Variants in ARHGEF9 observed in about 807,000 individuals in gnomAD.
The protein encoded by ARHGEF9 is rho guanine nucleotide exchange factor 9.
In ARHGEF9, 2 loss-of-function variants were observed where a neutral mutation model predicts 41.3. That is an observed-to-expected ratio of 0.05 (90% CI 0.02 to 0.15). ARHGEF9 has a LOEUF of 0.15. Ranked by LOEUF, ARHGEF9 falls within the 10% of genes least tolerant of loss-of-function variation. The pLI is 1.00. For synonymous variants in ARHGEF9, 160 were observed against 154.4 expected, an observed-to-expected ratio of 1.04 and a Z score of -0.27; for missense variants, 225 against 424.7, an observed-to-expected ratio of 0.53 and a Z score of 4.13.
chrX:63,635,502 T>C lies in ARHGEF9; in HGVS notation c.*2526A>G. On this transcript the variant is annotated 3_prime_UTR_variant, in exon 10 of 10. Coordinates refer to ENST00000671741, the MANE Select transcript of ARHGEF9 (RefSeq NM_001353921.2). ...GGTTAGGATACTGAACCCAGGTATT[T>C]AATTGGGCTCCCCTTGGGGCTGTTG... 2 of 496,730 alleles carry C rather than the reference T, an allele frequency of 4.0e-6. No individual in the cohort carries two copies. The highest frequency in any genetic ancestry group is 3.3e-4 in the Middle Eastern group (1 of 3,074). The allele number at this position is 496,730 out of a possible 1,213,427, so 40.9% of individuals were successfully genotyped here.
At chrX:63,669,021 CTT>C (rs1159728820) in intron 6 of ARHGEF9, among the ~76,000 whole-genome samples, 1 of 112,387 alleles carries the variant, frequency 8.9e-6, no homozygotes, top group African/African-American at 3.2e-5. Context: ...CCAACTCACT[CTT>C]GAGTTAGAAA....
chrX:63,643,892 C>A (rs1193274724), intron 9 of ARHGEF9, 88 bp downstream of exon 9: 2 of 1,019,438 alleles, frequency 2.0e-6, no homozygotes, highest in Non-Finnish European at 2.7e-6. Context: ...CCCAAGTAAA[C>A]CTCAGCACAG....
intron 2 of ARHGEF9, among the ~76,000 whole-genome samples, chrX:63,712,420 G>A (rs2147545079): frequency 8.9e-6 from 1 of 111,762 alleles, no homozygotes; most frequent in African/African-American, 3.2e-5. Flanking sequence ...GCATAGTTAT[G>A]TAATAGAATA....
Position 63,635,247 on chromosome X carries a change from T to C in ARHGEF9, c.*2781A>G, listed in dbSNP as rs1328755921. ...AGAATTGTTAGAACTCTCTTGTTGC[T>C]GTTCTTATAGATCCATTAGAAATAT... is the stretch of plus-strand genomic sequence containing the variant. On this transcript the variant is annotated 3_prime_UTR_variant, in exon 10 of 10. Coordinates refer to ENST00000671741, the MANE Select transcript of ARHGEF9 (RefSeq NM_001353921.2). The C allele has an allele frequency of 2.2e-6, 1 of 465,078 alleles. No individual in the cohort carries two copies. Among genetic ancestry groups the C allele is most frequent in the Admixed American group, 3.5e-5 (1 of 28,618 alleles). 38.3% of individuals were successfully genotyped at this position (465,078 alleles called of 1,213,427 possible).
At chrX:63,708,261 T>G (rs1469886433) in intron 2 of ARHGEF9, among the ~76,000 whole-genome samples, 1 of 112,337 alleles carries the variant, frequency 8.9e-6, no homozygotes, top group Non-Finnish European at 1.9e-5. Context: ...CAAAGCAAGC[T>G]AAACTCTGCT....
chrX:63,655,282 G>T (rs1195294264), intron 8 of ARHGEF9, among the ~76,000 whole-genome samples: 1 of 111,995 alleles, frequency 8.9e-6, no homozygotes, highest in Non-Finnish European at 1.9e-5. Flanking sequence ...TTCTTAGCTA[G>T]TAGGGGAGGA....
intron 2 of ARHGEF9, among the ~76,000 whole-genome samples, chrX:63,720,795 C>T (rs1556413263): frequency 8.9e-6 from 1 of 112,476 alleles, no homozygotes; most frequent in Non-Finnish European, 1.9e-5. Flanking sequence ...TTTTGTTTGA[C>T]TCTCACTGTG....
At chrX:63,738,003 T>G in intron 1 of ARHGEF9, among the ~76,000 whole-genome samples, 1 of 111,971 alleles carries the variant, frequency 8.9e-6, no homozygotes, top group Non-Finnish European at 1.9e-5. Context: ...TGATCCCTAG[T>G]TTAAAGATAA....
At position 63,682,634 on chromosome X, in the gene ARHGEF9, T is replaced by C. The variant is rs781840218; in HGVS notation, c.583-4062A>G. Among the ~76,000 whole-genome samples, 3 of 112,223 alleles carry C rather than the reference T, an allele frequency of 2.7e-5. No individual in the cohort carries two copies. In the East Asian group the frequency reaches 8.4e-4, roughly 31 times the overall value. Reference sequence around the variant, plus strand: ...AACATATCAAAAAGATCATACATCATGACCAAGTGGGATTTATCCCTGGGA... The same window carrying C: ...AACATATCAAAAAGATCATACATCACGACCAAGTGGGATTTATCCCTGGGA... On this transcript the variant is annotated intron_variant, in intron 4 of 9. Transcript: ENST00000671741.
At chrX:63,681,714 G>GA (rs1267272778) in intron 4 of ARHGEF9, among the ~76,000 whole-genome samples, 2 of 109,929 alleles carry the variant, frequency 1.8e-5, no homozygotes, top group African/African-American at 6.6e-5. Flanking sequence ...ATAGCAGAAG[G>GA]AAAAAAATAA....
chrX:63,656,374 C>G (rs1556336143), intron 7 of ARHGEF9: 1 of 112,627 alleles, frequency 8.9e-6, no homozygotes, highest in East Asian at 2.8e-4. Context: ...TGGATACAAA[C>G]AGTATGTCGC....
chrX:63,758,244 C>T (rs2055969870), intron 1 of ARHGEF9, among the ~76,000 whole-genome samples: 1 of 109,752 alleles, frequency 9.1e-6, no homozygotes, highest in Non-Finnish European at 1.9e-5. Flanking sequence ...GCAGCATGCT[C>T]CTAGAGCCCC....
intron 1 of ARHGEF9, among the ~76,000 whole-genome samples, chrX:63,777,185 G>A (rs1461490768): frequency 1.8e-5 from 2 of 111,426 alleles, no homozygotes; most frequent in Non-Finnish European, 3.8e-5. Flanking sequence ...TTACAATCAC[G>A]GCAGAAGGGG....
intron 2 of ARHGEF9, chrX:63,719,906 A>G (rs2053541882): frequency 3.5e-6 from 1 of 287,841 alleles, no homozygotes; most frequent in African/African-American, 2.8e-5. Flanking sequence ...ACTTGGGACA[A>G]GGGATTGTGG....
At chrX:63,757,417 C>T (rs1212288670) in intron 1 of ARHGEF9, among the ~76,000 whole-genome samples, 4 of 111,396 alleles carry the variant, frequency 3.6e-5, no homozygotes, top group African/African-American at 1.3e-4. Context: ...GCATATCAAA[C>T]TTAAAAAGTC....
At chrX:63,735,437 C>T (rs2054552751) in intron 1 of ARHGEF9, among the ~76,000 whole-genome samples, 1 of 111,323 alleles carries the variant, frequency 9.0e-6, no homozygotes, top group Admixed American at 9.6e-5. Flanking sequence ...ACACCACAGG[C>T]AGAGGGTGGG....
intron 4 of ARHGEF9, among the ~76,000 whole-genome samples, chrX:63,686,870 C>T (rs1453375644): frequency 2.7e-5 from 3 of 110,734 alleles, no homozygotes; most frequent in African/African-American, 9.9e-5. Context: ...CCCAAGCTGC[C>T]AGGCACTGTG....
intron 7 of ARHGEF9, among the ~76,000 whole-genome samples, chrX:63,665,674 G>A (rs781931168): frequency 2.7e-5 from 3 of 112,281 alleles, no homozygotes; most frequent in East Asian, 2.8e-4. Context: ...AAAATGCACC[G>A]ACTTCAGAGT....
chrX:63,745,966 A>C (rs1296141350), intron 1 of ARHGEF9, among the ~76,000 whole-genome samples: 1 of 112,086 alleles, frequency 8.9e-6, no homozygotes, highest in Non-Finnish European at 1.9e-5. Flanking sequence ...TGTTTTATAT[A>C]GAAGCTTCTG....
Sources: allele counts gnomAD v4.1 joint callset (sites outside exome capture counted in the v4.1 genomes callset), GRCh38; gene constraint gnomAD v4.1.1; transcripts MANE v1.5; gene names NCBI Gene and HGNC (gene_info 2026-07-23, HGNC 2026-07-21).